WDFY4: variants seen among roughly 807,000 people sequenced by gnomAD.
WDFY4 encodes WDFY family member 4.
In WDFY4, 169 loss-of-function variants were observed where a neutral mutation model predicts 351.9. That is an observed-to-expected ratio of 0.48 (90% CI 0.42 to 0.55). The LOEUF (loss-of-function observed/expected upper bound fraction) is 0.55. Among genes scored for constraint, WDFY4 ranks in the 20% least tolerant of loss-of-function variants. The probability of loss-of-function intolerance (pLI) is 0.00; values close to 1 mark genes in which losing one functional copy is unlikely to be tolerated. For synonymous variants in WDFY4, 1,622 were observed against 1,574.6 expected (o/e 1.03, Z -0.71); for missense variants, 3,803 against 3,935.6 (o/e 0.97, Z 0.90).
intron 24 of WDFY4, 72 bp downstream of exon 24, chr10:48,796,522 C>G (rs1029538890): frequency 2.7e-6 from 4 of 1,493,484 alleles, no homozygotes; most frequent in Non-Finnish European, 3.6e-6. Context: ...TGGGCTTTCC[C>G]CTAAACCTAG....
Position 48,790,712 on chromosome 10 carries a change from CT to C in WDFY4, c.4067-12del. ...CTGTGACATGTTGATGAAATGCCCA[CT>C]TTATGCCACACAGGGGTGAGGGTAT... is the stretch of plus-strand genomic sequence containing the variant. On this transcript the variant is annotated splice_polypyrimidine_tract_variant and intron_variant, in intron 22 of 61. Coordinates refer to ENST00000325239, the MANE Select transcript of WDFY4 (RefSeq NM_001394531.1). 1 of 1,550,120 alleles carries C rather than the reference CT, an allele frequency of 6.5e-7. No homozygotes were observed. Among genetic ancestry groups the C allele is most frequent in the South Asian group, 1.2e-5 (1 of 83,928 alleles).
chr10:48,937,750 G>A (rs1203775108), intron 47 of WDFY4, among the ~76,000 whole-genome samples: 3 of 152,232 alleles, frequency 2.0e-5, no homozygotes, highest in Non-Finnish European at 4.4e-5. Flanking sequence ...TCATCCAGCA[G>A]GGTGTCTCTG....
chr10:48,876,903 G>C, intron 42 of WDFY4, 130 bp from the exon 43 acceptor site: 2 of 896,096 alleles, frequency 2.2e-6, no homozygotes, highest in Non-Finnish European at 3.1e-6. Context: ...GGCACAGTGA[G>C]AGATCCACGC....
intron 49 of WDFY4, among the ~76,000 whole-genome samples, chr10:48,944,780 T>C (rs2133773384): frequency 6.6e-6 from 1 of 152,326 alleles, no homozygotes; most frequent in South Asian, 2.1e-4. Flanking sequence ...GTTTAGGTCA[T>C]ACTAGGTATT....
At chr10:48,807,320 T>C (rs916311808) in intron 27 of WDFY4, among the ~76,000 whole-genome samples, 1 of 152,246 alleles carries the variant, frequency 6.6e-6, no homozygotes, top group Non-Finnish European at 1.5e-5. Context: ...GCATTGTTAA[T>C]ATGTCCTTTT....
At chr10:48,910,004 A>ATTT (rs1837856200) in intron 47 of WDFY4, 1 of 545,818 alleles carries the variant, frequency 1.8e-6, no homozygotes, top group South Asian at 2.7e-5. Context: ...TTCTATATAC[A>ATTT]TTTTAAAAAC....
intron 47 of WDFY4, among the ~76,000 whole-genome samples, chr10:48,904,979 G>T (rs560616919): frequency 6.6e-5 from 10 of 152,182 alleles, no homozygotes; most frequent in African/African-American, 2.4e-4. Context: ...GTTCCAAGCC[G>T]CAGCACTCAT....
At chr10:48,782,316 G>A (rs1404699625) in intron 19 of WDFY4, among the ~76,000 whole-genome samples, 1 of 152,246 alleles carries the variant, frequency 6.6e-6, no homozygotes, top group African/African-American at 2.4e-5. Context: ...CAAATACCTT[G>A]AGGCATGTCT....
chr10:48,751,213 T>A (rs1335776442), intron 12 of WDFY4, among the ~76,000 whole-genome samples: 4 of 152,058 alleles, frequency 2.6e-5, no homozygotes, highest in Non-Finnish European at 5.9e-5. Context: ...GGGGAGGAGG[T>A]CAGCGAGGCG....
At chr10:48,977,095 G>C in intron 59 of WDFY4, 116 bp downstream of exon 59, 1 of 1,065,334 alleles carries the variant, frequency 9.4e-7, no homozygotes, top group Middle Eastern at 2.3e-4. Context: ...ATTCCAGAAC[G>C]GGTACCTACA....
At chr10:48,746,374 T>C (rs1163081712) in intron 12 of WDFY4, among the ~76,000 whole-genome samples, 2 of 152,192 alleles carry the variant, frequency 1.3e-5, no homozygotes, top group African/African-American at 4.8e-5. Flanking sequence ...TATATCAGGT[T>C]TCTTTTGGTT....
chr10:48,745,205 A>T (rs989332201), intron 12 of WDFY4, among the ~76,000 whole-genome samples: 10 of 152,102 alleles, frequency 6.6e-5, no homozygotes, highest in African/African-American at 2.4e-4. Context: ...TATGTGTTTG[A>T]ATTTTGAATT....
At chr10:48,723,710 C>G (rs931182902) in intron 5 of WDFY4, 143 bp downstream of exon 5, 3 of 1,184,952 alleles carry the variant, frequency 2.5e-6, no homozygotes, top group Admixed American at 2.7e-5. Context: ...TAACCTCCCC[C>G]TCCCCTCCCC....
intron 12 of WDFY4, 66 bp downstream of exon 12, chr10:48,743,614 G>C: frequency 6.8e-7 from 1 of 1,465,604 alleles, no homozygotes; most frequent in Non-Finnish European, 9.1e-7. Context: ...AACGTCTTGC[G>C]CATGTGTACT....
intron 1 of WDFY4, among the ~76,000 whole-genome samples, chr10:48,707,679 G>A (rs1218474753): frequency 6.6e-6 from 1 of 152,200 alleles, no homozygotes; most frequent in Non-Finnish European, 1.5e-5. Context: ...AGATGCAGAA[G>A]AGCATTTGCT....
In WDFY4 at chr10:48,814,077, A is replaced by C; in HGVS notation, c.5335A>C (p.Ser1779Arg). The change falls in exon 31 of 62, where the codon AGC (serine) becomes CGC (arginine). Residue 1779 changes from serine to arginine, a missense_variant. Around this residue, in one of 3 missense-constraint regions of WDFY4, gnomAD observed 3,054 missense variants for 3,148.6 expected, o/e 0.97. Coordinates refer to ENST00000325239, the MANE Select transcript of WDFY4 (RefSeq NM_001394531.1). ...CCTGGAAATGCTGAAGGCCACCATG[A>C]GCCAGGTGAGACCCATTCCCCACAT... The part of the protein sequence containing the change: ...LLLEMLKATM[S>R]QPLAGSEDGA... 1 of 1,547,798 alleles carries C rather than the reference A, an allele frequency of 6.5e-7. No homozygotes were observed. The highest frequency in any genetic ancestry group is 8.7e-7 in the Non-Finnish European group (1 of 1,144,520).
chr10:48,882,105 T>C (rs12762875), intron 43 of WDFY4, among the ~76,000 whole-genome samples: 19,801 of 152,028 alleles, frequency 0.13, 1,440 homozygotes, highest in Middle Eastern at 0.21. Flanking sequence ...AATCAGGAGG[T>C]CCTCCAGGGG....
intron 52 of WDFY4, among the ~76,000 whole-genome samples, chr10:48,958,078 C>T (rs1041684890): frequency 6.6e-6 from 1 of 152,218 alleles, no homozygotes; most frequent in Non-Finnish European, 1.5e-5. Context: ...CTTCTGCCTC[C>T]GGACAGCACA....
Position 48,743,241 on chromosome 10 carries a change from C to G in WDFY4, c.2152C>G (p.Leu718Val). ...FEKLAEDLCL[L>V]GCFGALEEEG... The stretch of plus-strand genomic sequence containing the variant: ...GAAGCTGGCCGAGGACCTCTGCCTG[C>G]TGGGCTGTTTTGGAGCCCTGGAGGA... The change falls in exon 12 of 62, where the codon CTG becomes GTG. Residue 718 changes from leucine (L) to valine (V), a missense_variant. Coordinates refer to ENST00000325239, the MANE Select transcript of WDFY4 (RefSeq NM_001394531.1). 1 of 1,551,706 alleles carries G rather than the reference C, an allele frequency of 6.4e-7. No homozygotes were observed. Among genetic ancestry groups the G allele is most frequent in the Non-Finnish European group, 8.7e-7 (1 of 1,146,984 alleles).
Sources: gnomAD v4.1 joint callset for allele counts (sites outside exome capture counted in the v4.1 genomes callset) on GRCh38, gnomAD v4.1.1 for gene constraint, gnomAD v4.1.1 regional missense constraint, MANE v1.5 for transcripts, NCBI Gene and HGNC (gene_info 2026-07-23, HGNC 2026-07-21) for gene names.